PCDH15: variants seen among roughly 807,000 people sequenced by gnomAD.
PCDH15 encodes protocadherin-15.
A neutral mutation model predicts 178.5 loss-of-function variants in PCDH15; 129 were observed. That is an observed-to-expected ratio of 0.72 (90% confidence interval 0.63 to 0.84). PCDH15 has a LOEUF of 0.84. Ranked by LOEUF, PCDH15 falls within the 40% of genes least tolerant of loss-of-function variation. The pLI is 0.00. For missense variants in PCDH15, 2,230 were observed against 2,099.9 expected, an observed-to-expected ratio of 1.06 and a Z score of -1.21; for synonymous variants, 800 against 732.0, an observed-to-expected ratio of 1.09 and a Z score of -1.50.
intron 2 of PCDH15, among the ~76,000 whole-genome samples, chr10:55,627,138 C>T (rs1837545441): frequency 2.0e-5 from 3 of 151,834 alleles, no homozygotes; most frequent in Admixed American, 6.6e-5. Flanking sequence ...TGTAACCCCC[C>T]ACCCCCTCCC....
intron 32 of PCDH15, among the ~76,000 whole-genome samples, 199 bp from the exon 33 acceptor site, chr10:53,820,429 C>T (rs1360473025): frequency 1.3e-5 from 2 of 152,062 alleles, no homozygotes; most frequent in South Asian, 2.1e-4. Context: ...TGAAGAAAAC[C>T]TCTGAAATAA....
At chr10:54,633,117 A>T (rs775687225) in intron 2 of PCDH15, among the ~76,000 whole-genome samples, 1 of 152,156 alleles carries the variant, frequency 6.6e-6, no homozygotes, top group South Asian at 2.1e-4. Context: ...GGAGACTGAA[A>T]AAAAGCCCAA....
chr10:55,615,082 C>T (rs1483549575), intron 2 of PCDH15, among the ~76,000 whole-genome samples: 1 of 151,988 alleles, frequency 6.6e-6, no homozygotes. Context: ...CTGACCATGT[C>T]CTTTAAAATA....
chr10:54,225,790 T>C (rs1467348535), intron 9 of PCDH15, among the ~76,000 whole-genome samples: 1 of 152,206 alleles, frequency 6.6e-6, no homozygotes, highest in Non-Finnish European at 1.5e-5. Flanking sequence ...CTATTACCAC[T>C]CCTATTCAAA....
chr10:54,657,985 A>G (rs1264683238), intron 2 of PCDH15, among the ~76,000 whole-genome samples: 1 of 152,226 alleles, frequency 6.6e-6, no homozygotes, highest in Non-Finnish European at 1.5e-5. Flanking sequence ...CATGTATTGA[A>G]AAAGTAACTA....
intron 2 of PCDH15, among the ~76,000 whole-genome samples, chr10:55,110,000 T>A (rs2132054870): frequency 6.6e-6 from 1 of 151,668 alleles, no homozygotes; most frequent in Admixed American, 6.6e-5. Flanking sequence ...TATTGAAATC[T>A]ATGCATAAAG....
At chr10:54,474,468 T>C (rs11004328) in intron 3 of PCDH15, among the ~76,000 whole-genome samples, 14,445 of 151,912 alleles carry the variant, frequency 0.095, 864 homozygotes, top group East Asian at 0.27. Context: ...TCTATGAAAG[T>C]ATTTATCTCA....
At chr10:55,263,659 T>G (rs1842203962) in intron 1 of PCDH15, among the ~76,000 whole-genome samples, 1 of 152,138 alleles carries the variant, frequency 6.6e-6, no homozygotes. Flanking sequence ...GGGACTCACT[T>G]GCACTGAGGA....
At chr10:54,446,582 T>A (rs1249495077) in intron 3 of PCDH15, among the ~76,000 whole-genome samples, 1 of 151,680 alleles carries the variant, frequency 6.6e-6, no homozygotes, top group Non-Finnish European at 1.5e-5. Context: ...ATTTTTTAAT[T>A]GACAAATAAA....
chr10:54,889,840 C>G (rs1268503822), intron 3 of PCDH15, among the ~76,000 whole-genome samples: 1 of 151,610 alleles, frequency 6.6e-6, no homozygotes, highest in East Asian at 1.9e-4. Flanking sequence ...GCGAATAACC[C>G]TAAAATCTCA....
At position 55,264,554 on chromosome 10, in the gene PCDH15, C is replaced by T. The variant is rs117402085; in HGVS notation, c.-156+55045G>A. On this transcript the variant is annotated intron_variant, in intron 1 of 5. Coordinates refer to the PCDH15 transcript ENST00000458638. ...GTGGAAGGGATAGGGAGGACGCTTGCTTTATCTCTTTATCACACCCTGGGT... is the reference window on the plus strand; with the variant it reads ...GTGGAAGGGATAGGGAGGACGCTTGTTTTATCTCTTTATCACACCCTGGGT... 2.8e-3 allele frequency among the ~76,000 whole-genome samples: 424 copies of T among 152,250 alleles called. 1 individual carries two copies. The highest frequency in any genetic ancestry group is 6.8e-3 in the Middle Eastern group (2 of 294).
At chr10:55,413,022 C>T (rs1838382331) in intron 2 of PCDH15, among the ~76,000 whole-genome samples, 1 of 151,594 alleles carries the variant, frequency 6.6e-6, no homozygotes, top group South Asian at 2.1e-4. Flanking sequence ...TAAATGATGA[C>T]CGTCATCTAA....
At chr10:54,528,430 T>C (rs757705719) in intron 2 of PCDH15, 20 of 1,555,810 alleles carry the variant, frequency 1.3e-5, no homozygotes, top group Non-Finnish European at 1.3e-5. Flanking sequence ...GAGTCATCAA[T>C]GGAAGCAGAT....
intron 16 of PCDH15, among the ~76,000 whole-genome samples, chr10:54,083,225 T>G (rs569627128): frequency 6.6e-6 from 1 of 152,176 alleles, no homozygotes; most frequent in East Asian, 1.9e-4. Context: ...ATTTGACAGT[T>G]CCTCAAATGG....
At chr10:55,073,067 C>T (rs1315516376) in intron 2 of PCDH15, among the ~76,000 whole-genome samples, 1 of 152,104 alleles carries the variant, frequency 6.6e-6, no homozygotes, top group Non-Finnish European at 1.5e-5. Context: ...GCTAAAAACT[C>T]TCAATAAATT....
At chr10:55,487,377 T>C (rs542385176) in intron 2 of PCDH15, among the ~76,000 whole-genome samples, 21 of 151,658 alleles carry the variant, frequency 1.4e-4, no homozygotes, top group Non-Finnish European at 2.8e-4. Flanking sequence ...TCACCATTTT[T>C]CTTTCTTACC....
intron 32 of PCDH15, among the ~76,000 whole-genome samples, chr10:53,825,877 T>G (rs2076645155): frequency 6.6e-6 from 1 of 151,416 alleles, no homozygotes; most frequent in Non-Finnish European, 1.5e-5. Flanking sequence ...CTGAGTCTAC[T>G]ACAATTGTTC....
chr10:55,126,573 A>G (rs1306186962), intron 2 of PCDH15, among the ~76,000 whole-genome samples: 1 of 152,132 alleles, frequency 6.6e-6, no homozygotes, highest in African/African-American at 2.4e-5. Flanking sequence ...GATTGCAGAC[A>G]GTTGACTCTG....
chr10:55,492,220 A>C (rs1464231185), intron 2 of PCDH15, among the ~76,000 whole-genome samples: 2 of 151,630 alleles, frequency 1.3e-5, no homozygotes, highest in East Asian at 3.9e-4. Flanking sequence ...CCATACAGCA[A>C]AAAAAAAGAA....
Sources: allele counts gnomAD v4.1 joint callset (sites outside exome capture counted in the v4.1 genomes callset), GRCh38; gene constraint gnomAD v4.1.1; transcripts MANE v1.5; gene names NCBI Gene and HGNC (gene_info 2026-07-23, HGNC 2026-07-21).